Variants in SLC25A13 observed in about 807,000 individuals in gnomAD.
The protein encoded by SLC25A13 is solute carrier family 25 member 13, also known as electrogenic aspartate/glutamate antiporter SLC25A13, mitochondrial.
In SLC25A13, 70 loss-of-function variants were observed where a neutral mutation model predicts 85.5. That is an observed-to-expected ratio of 0.82 (90% CI 0.68 to 1.00). SLC25A13 has a LOEUF of 1.00. Ranked by LOEUF, SLC25A13 falls within the 50% of genes least tolerant of loss-of-function variation. The probability of loss-of-function intolerance (pLI) is 0.00; values close to 1 mark genes in which losing one functional copy is unlikely to be tolerated. For missense variants in SLC25A13, 765 were observed against 819.8 expected (o/e 0.93, Z 0.82); for synonymous variants, 259 against 288.7 (o/e 0.90, Z 1.04).
chr7:96,197,833 A>G (rs1475405872), intron 5 of SLC25A13, among the ~76,000 whole-genome samples: 3 of 152,212 alleles, frequency 2.0e-5, no homozygotes, highest in Non-Finnish European at 4.4e-5. Context: ...CATTACATTC[A>G]CATATTTAAA....
At chr7:96,122,536 A>G (rs1477660186) in intron 15 of SLC25A13, among the ~76,000 whole-genome samples, 2 of 152,030 alleles carry the variant, frequency 1.3e-5, no homozygotes, top group Admixed American at 1.3e-4. Flanking sequence ...GACTTTACTG[A>G]TATCTAAAAA....
chr7:96,291,847 G>A (rs1276798647), intron 2 of SLC25A13, among the ~76,000 whole-genome samples: 2 of 152,244 alleles, frequency 1.3e-5, no homozygotes, highest in Admixed American at 6.5e-5. Context: ...TCTACCAGAG[G>A]TACAAGGAGG....
At chr7:96,133,704 T>C (rs1171633812) in intron 14 of SLC25A13, among the ~76,000 whole-genome samples, 3 of 152,122 alleles carry the variant, frequency 2.0e-5, no homozygotes, top group Non-Finnish European at 4.4e-5. Context: ...CCCCAAGCCT[T>C]CTTGTAAGTG....
chr7:96,275,701 A>G (rs1267619973), intron 3 of SLC25A13, among the ~76,000 whole-genome samples: 5 of 151,974 alleles, frequency 3.3e-5, no homozygotes, highest in Non-Finnish European at 7.4e-5. Flanking sequence ...ACACATGGAC[A>G]CAGGAAGGGG....
At chr7:96,205,809 C>T (rs1160773293) in intron 5 of SLC25A13, among the ~76,000 whole-genome samples, 1 of 152,180 alleles carries the variant, frequency 6.6e-6, no homozygotes, top group African/African-American at 2.4e-5. Flanking sequence ...CCCAGGACTG[C>T]CAACACCTTA....
At chr7:96,272,760 A>G (rs549273491) in intron 3 of SLC25A13, among the ~76,000 whole-genome samples, 2 of 152,344 alleles carry the variant, frequency 1.3e-5, no homozygotes, top group African/African-American at 4.8e-5. Context: ...AAAAAGATTA[A>G]AAGACAAAGA....
chr7:96,280,245 G>A (rs1289837539), intron 2 of SLC25A13, among the ~76,000 whole-genome samples: 2 of 152,142 alleles, frequency 1.3e-5, no homozygotes, highest in Non-Finnish European at 2.9e-5. Context: ...CTGGTAGATA[G>A]TGAAACATGT....
chr7:96,254,647 T>C (rs1346700118), intron 3 of SLC25A13, among the ~76,000 whole-genome samples: 2 of 152,148 alleles, frequency 1.3e-5, no homozygotes, highest in Non-Finnish European at 2.9e-5. Flanking sequence ...ATATACTACA[T>C]ATATACACAC....
At chr7:96,136,117 C>G (rs968625908) in intron 14 of SLC25A13, among the ~76,000 whole-genome samples, 1 of 152,164 alleles carries the variant, frequency 6.6e-6, no homozygotes, top group Non-Finnish European at 1.5e-5. Context: ...AAAAAACCCT[C>G]AGATCTAGTT....
intron 13 of SLC25A13, among the ~76,000 whole-genome samples, chr7:96,150,412 CAA>C (rs1351882828): frequency 6.6e-6 from 1 of 151,994 alleles, no homozygotes; most frequent in Non-Finnish European, 1.5e-5. Context: ...TCAGTCCACT[CAA>C]GAGGTACTTT....
intron 1 of SLC25A13, among the ~76,000 whole-genome samples, chr7:96,297,657 G>A (rs987816679): frequency 6.6e-6 from 1 of 152,088 alleles, no homozygotes; most frequent in Non-Finnish European, 1.5e-5. Context: ...TCTTAAAGAA[G>A]TCAGTGAACT....
intron 3 of SLC25A13, among the ~76,000 whole-genome samples, chr7:96,249,473 T>A (rs1797329466): frequency 6.6e-6 from 1 of 152,234 alleles, no homozygotes; most frequent in Admixed American, 6.5e-5. Context: ...TTATGACTGT[T>A]TGAGCCCATT....
In SLC25A13 at chr7:96,226,903, T is replaced by C. The variant is rs989804514; in HGVS notation, c.328+7899A>G. On this transcript the variant is annotated intron_variant, in intron 4 of 17. Transcript: ENST00000265631. ...TTCTTACCCTGCTTGTCTTCCACCATGATTTACTCCCTTTGAATACCCCTC... is the reference window on the plus strand; with the variant it reads ...TTCTTACCCTGCTTGTCTTCCACCACGATTTACTCCCTTTGAATACCCCTC... Among the ~76,000 whole-genome samples the C allele has an allele frequency of 7.2e-5, 11 of 152,262 alleles. 1 individual carries two copies. The highest frequency in any genetic ancestry group is 6.8e-3 in the Middle Eastern group (2 of 294).
At chr7:96,321,293 C>T (rs1290344003) in intron 1 of SLC25A13, among the ~76,000 whole-genome samples, 1 of 152,164 alleles carries the variant, frequency 6.6e-6, no homozygotes, top group Non-Finnish European at 1.5e-5. Context: ...AAAAAGAAGC[C>T]TCTCAAATGC....
chr7:96,240,747 G>A (rs1421403435), intron 3 of SLC25A13, among the ~76,000 whole-genome samples: 47 of 129,826 alleles, frequency 3.6e-4, no homozygotes, highest in Admixed American at 5.6e-4. Flanking sequence ...CCATCTACTA[G>A]AAAAAAAAAA....
chr7:96,147,286 T>C (rs1273344118), intron 13 of SLC25A13, among the ~76,000 whole-genome samples: 1 of 152,198 alleles, frequency 6.6e-6, no homozygotes, highest in Non-Finnish European at 1.5e-5. Flanking sequence ...TTTTATGGAG[T>C]TACATATTCT....
intron 4 of SLC25A13, among the ~76,000 whole-genome samples, chr7:96,226,726 G>A (rs1796341059): frequency 6.6e-6 from 1 of 152,004 alleles, no homozygotes; most frequent in South Asian, 2.1e-4. Flanking sequence ...AAAGAGAAAA[G>A]ACCTTAAATT....
At chr7:96,276,774 C>A (rs1798467298) in intron 3 of SLC25A13, among the ~76,000 whole-genome samples, 1 of 152,092 alleles carries the variant, frequency 6.6e-6, no homozygotes, top group Admixed American at 6.5e-5. Context: ...TTTCTTGGGG[C>A]TTTGGAATCA....
rs1794854914 is a variant in SLC25A13 at position 96,191,563 on chromosome 7, T to C, written c.616-316A>G. ...AATTGGAAATGTTTTATAAGTTGGTTTATTTCATCTAATGAGCAAATCTTA... is the reference window on the plus strand; with the variant it reads ...AATTGGAAATGTTTTATAAGTTGGTCTATTTCATCTAATGAGCAAATCTTA... On this transcript the variant is annotated intron_variant, in intron 6 of 17. Coordinates refer to ENST00000265631, the MANE Select transcript of SLC25A13 (RefSeq NM_014251.3). Among the ~76,000 whole-genome samples the C allele has an allele frequency of 2.0e-5, 3 of 152,194 alleles. No homozygotes were observed. In the South Asian group the frequency reaches 6.2e-4, roughly 31 times the overall value.
Sources: allele counts gnomAD v4.1 joint callset (sites outside exome capture counted in the v4.1 genomes callset), GRCh38; gene constraint gnomAD v4.1.1; transcripts MANE v1.5; gene names NCBI Gene and HGNC (gene_info 2026-07-23, HGNC 2026-07-21).